The following PKD1L3 variants were observed in gnomAD, a reference collection of about 807,000 sequenced individuals.
The protein encoded by PKD1L3 is polycystin-1-like protein 3.
A neutral mutation model predicts 184.1 loss-of-function variants in PKD1L3; 239 were observed. The observed-to-expected ratio is 1.30, with a 90% CI of 1.17 to 1.45. The LOEUF (loss-of-function observed/expected upper bound fraction) is 1.45, where lower values mean the gene tolerates loss of function less well. Among genes scored for constraint, PKD1L3 ranks in the 40% most tolerant of loss-of-function variants. The pLI is 0.00. For synonymous variants in PKD1L3, 996 were observed against 778.8 expected, an observed-to-expected ratio of 1.28 and a Z score of -4.64; for missense variants, 2,660 against 2,067.2, an observed-to-expected ratio of 1.29 and a Z score of -5.56.
rs1476003663 is a variant in PKD1L3, at chr16:71,999,966, C to A, written c.13G>T (p.Gly5Ter). 1.3e-5 allele frequency: 20 copies of A among 1,520,164 alleles called. No individual in the cohort carries two copies. In the East Asian group the frequency reaches 5.0e-4, roughly 38 times the overall value. 94.2% of individuals were successfully genotyped at this position (1,520,164 alleles called of 1,614,324 possible). Residue 5 changes from glycine to a stop codon, truncating the protein, a stop_gained, in exon 1 of 30, where the codon GGA becomes TGA. Coordinates refer to ENST00000620267, the MANE Select transcript of PKD1L3 (RefSeq NM_181536.2). LOFTEE classifies it high-confidence loss of function. ...ATGTATAACCAAAGCCAGCTTCCTC[C>A]TTTGAAGAACATTTTCTCTGAATTG... MFFK[G>*]GSWLWLYIRT...
intron 11 of PKD1L3, among the ~76,000 whole-genome samples, chr16:71,974,730 G>C (rs2039854630): frequency 6.6e-6 from 1 of 152,182 alleles, no homozygotes; most frequent in African/African-American, 2.4e-5. Context: ...ATTGGGAAAG[G>C]GCCCGTTGGT....
At chr16:71,943,094 T>C (rs992364790) in intron 23 of PKD1L3, 70 bp from the exon 24 acceptor site, 1 of 1,278,048 alleles carries the variant, frequency 7.8e-7, no homozygotes, top group East Asian at 2.5e-5. Context: ...TCTTTTTCAT[T>C]TTTCCTAAGT....
In PKD1L3 at chr16:71,990,317, A is replaced by G. The variant is rs2040539520; in HGVS notation, c.548T>C (p.Leu183Pro). 2 of 1,548,220 alleles carry G rather than the reference A, an allele frequency of 1.3e-6. No homozygotes were observed. The highest frequency in any genetic ancestry group is 1.7e-6 in the Non-Finnish European group (2 of 1,144,286). ...AAGAGGATAGTGACATGTGGTTGGA[A>G]GATGACCAGGTCCTATAGAAAAAAG... ...RDKMPPGPGH[L>P]PTTCHYPLPA... The change falls in exon 4 of 30, where the codon CTT becomes CCT. Residue 183 changes from leucine (L) to proline (P), a missense_variant. By Grantham distance (98) the Leu-to-Pro change is moderately conservative (BLOSUM62 -3). Transcript: ENST00000620267.
intron 2 of PKD1L3, among the ~76,000 whole-genome samples, chr16:71,997,205 A>G (rs1597383952): frequency 6.6e-6 from 1 of 152,080 alleles, no homozygotes; most frequent in East Asian, 1.9e-4. Flanking sequence ...AAGCATCCAT[A>G]TACATAGTTT....
chr16:71,929,782 G>C, intron 29 of PKD1L3, 104 bp from the exon 30 acceptor site: 1 of 1,173,942 alleles, frequency 8.5e-7, no homozygotes, highest in East Asian at 2.6e-5. Context: ...TAAATGTAAA[G>C]ATACTATTTC....
intron 28 of PKD1L3, 147 bp from the exon 29 acceptor site, chr16:71,930,330 G>T (rs954198150): frequency 1.3e-6 from 1 of 765,558 alleles, no homozygotes; most frequent in African/African-American, 1.8e-5. Flanking sequence ...TAATAAGAAG[G>T]AAAATACTTT....
chr16:71,970,624 A>T (rs113288062), intron 12 of PKD1L3, among the ~76,000 whole-genome samples: 1 of 152,058 alleles, frequency 6.6e-6, no homozygotes, highest in Non-Finnish European at 1.5e-5. Context: ...CCTGGACAAC[A>T]TGGTGAAACC....
chr16:71,954,261 C>G lies in PKD1L3; in HGVS notation c.2653G>C (p.Asp885His). The change falls in exon 17 of 30, where the codon GAT (aspartate) becomes CAT (histidine). Residue 885 changes from aspartate to histidine, a missense_variant. Physicochemically the swap from Asp to His is moderately conservative, Grantham distance 81 (BLOSUM62 -1). Coordinates refer to ENST00000620267, the MANE Select transcript of PKD1L3 (RefSeq NM_181536.2). ...SSMIVEKFTQ[D>H]YLWLSIATRH... is the part of the protein sequence containing the mutation. Reference sequence around the variant, plus strand: ...GTTGCAATTGAAAGCCACAGATAATCCTGGGTGAACTTTTCCACAATCATG... The same window carrying G: ...GTTGCAATTGAAAGCCACAGATAATGCTGGGTGAACTTTTCCACAATCATG... 6.5e-7 allele frequency: 1 copy of G among 1,547,408 alleles called. No individual in the cohort carries two copies. The highest frequency in any genetic ancestry group is 8.7e-7 in the Non-Finnish European group (1 of 1,145,518).
chr16:71,963,355 T>TA lies in PKD1L3; in HGVS notation c.2466-5dup. The stretch of plus-strand genomic sequence containing the variant: ...GACAATTACCTGGCTGACATACCTA[T>TA]AGTAAAATGAAGATAACCACATTAG... On this transcript the variant is annotated splice_region_variant and splice_polypyrimidine_tract_variant and intron_variant, in intron 15 of 29. Transcript: ENST00000620267. 6.5e-7 allele frequency: 1 copy of TA among 1,545,128 alleles called. No individual in the cohort carries two copies. The highest frequency in any genetic ancestry group is 2.0e-5 in the Admixed American group (1 of 49,890).
At chr16:71,949,203 GTTGT>G (rs1219203502) in intron 21 of PKD1L3, among the ~76,000 whole-genome samples, 4 of 151,882 alleles carry the variant, frequency 2.6e-5, no homozygotes, top group Admixed American at 6.6e-5. Context: ...TAAGTTTTTT[GTTGT>G]TTATTTTTTT....
At chr16:71,960,993 A>T (rs543224813) in intron 16 of PKD1L3, among the ~76,000 whole-genome samples, 1 of 152,164 alleles carries the variant, frequency 6.6e-6, no homozygotes, top group Non-Finnish European at 1.5e-5. Context: ...AATTTCTACC[A>T]GTTTATTCCT....
chr16:71,984,359 C>G (rs1354581558), intron 5 of PKD1L3, among the ~76,000 whole-genome samples, 192 bp from the exon 6 acceptor site: 5 of 151,916 alleles, frequency 3.3e-5, no homozygotes, highest in Admixed American at 1.3e-4. Context: ...TTCTTCCATA[C>G]GATAGAGAAA....
In PKD1L3 at chr16:71,984,149, C is replaced by G; in HGVS notation, c.853G>C (p.Gly285Arg). 2 of 1,551,502 alleles carry G rather than the reference C, an allele frequency of 1.3e-6. No individual in the cohort carries two copies. The highest frequency in any genetic ancestry group is 1.7e-6 in the Non-Finnish European group (2 of 1,146,780). The change falls in exon 6 of 30, where the codon GGG becomes CGG. Residue 285 changes from glycine to arginine, a missense_variant. Coordinates refer to ENST00000620267, the MANE Select transcript of PKD1L3 (RefSeq NM_181536.2). The part of the protein sequence containing the change: ...ASGQVIDEIA[G>R]NFSRAVHGLQ... ...CCATGAACTGCTCTGCTGAAGTTCCCTGCTATCTCATCTATGACCTATTGG... is the reference window on the plus strand; with the variant it reads ...CCATGAACTGCTCTGCTGAAGTTCCGTGCTATCTCATCTATGACCTATTGG...
At chr16:71,972,017 C>A (rs2039730782) in intron 12 of PKD1L3, among the ~76,000 whole-genome samples, 1 of 151,666 alleles carries the variant, frequency 6.6e-6, no homozygotes, top group Non-Finnish European at 1.5e-5. Flanking sequence ...GAGATCGAGA[C>A]CATCCTGGCT....
intron 24 of PKD1L3, among the ~76,000 whole-genome samples, chr16:71,940,023 A>T (rs1422347169): frequency 6.6e-6 from 1 of 152,164 alleles, no homozygotes; most frequent in African/African-American, 2.4e-5. Context: ...GCTAATTCTA[A>T]CCAAGAAACC....
rs1290179485 is a variant in PKD1L3 at position 71,942,940 on chromosome 16, C to T, written c.3944G>A (p.Trp1315Ter). 12 of 1,551,388 alleles carry T rather than the reference C, an allele frequency of 7.7e-6. No individual in the cohort carries two copies. Among genetic ancestry groups the T allele is most frequent in the African/African-American group, 2.7e-5 (2 of 72,992 alleles). ...SNRFYLHQAI[W>*]KTFSHQFSEI... is the part of the protein sequence containing the mutation. ...CGAGAACTGGTGCGAAAATGTCTTC[C>T]AGATAGCTTGGTGGAGGTAAAATCT... Residue 1315 changes from tryptophan to a stop codon, truncating the protein, a stop_gained, in exon 24 of 30, where the codon TGG becomes TAG. Transcript: ENST00000620267. LOFTEE classifies it high-confidence loss of function.
chr16:71,963,991 T>G (rs531842252), intron 15 of PKD1L3, among the ~76,000 whole-genome samples: 70 of 152,262 alleles, frequency 4.6e-4, no homozygotes, highest in African/African-American at 1.6e-3. Flanking sequence ...TCAGGGGGCA[T>G]AAATGGGTTG....
intron 3 of PKD1L3, among the ~76,000 whole-genome samples, chr16:71,992,090 G>A (rs770235135): frequency 6.6e-6 from 1 of 152,052 alleles, no homozygotes; most frequent in Non-Finnish European, 1.5e-5. Flanking sequence ...CACGGTGCTG[G>A]GATTACAGGT....
In PKD1L3 at chr16:71,982,222, T is replaced by G. The variant is rs531556289; in HGVS notation, c.980A>C (p.Asn327Thr). The G allele has an allele frequency of 3.7e-4, 567 of 1,543,234 alleles. 1 individual carries two copies. Among genetic ancestry groups the G allele is most frequent in the Non-Finnish European group, 4.4e-4 (505 of 1,143,456 alleles). Residue 327 changes from asparagine (N) to threonine (T), a missense_variant, in exon 7 of 30, where the codon AAT (asparagine) becomes ACT (threonine). Transcript: ENST00000620267. ...FSKPAQVNLI[N>T]SLIYLSEELL... Reference sequence around the variant, plus strand: ...CTCCTCACTCAGGTAAATAAGGGAATTGATGAGATTAACCTGGGAGGATTA... The same window carrying G: ...CTCCTCACTCAGGTAAATAAGGGAAGTGATGAGATTAACCTGGGAGGATTA...
Sources: allele counts gnomAD v4.1 joint callset (sites outside exome capture counted in the v4.1 genomes callset), GRCh38; gene constraint gnomAD v4.1.1; transcripts MANE v1.5; gene names NCBI Gene and HGNC (gene_info 2026-07-23, HGNC 2026-07-21).